Variants in USH2A observed in about 807,000 individuals in gnomAD.
USH2A encodes Usher syndrome 2A (autosomal recessive, mild).
USH2A carries 443 observed loss-of-function variants against 538.9 expected under a neutral mutation model. The ratio of observed to expected loss-of-function variants is 0.82; its 90% confidence interval spans 0.76 to 0.89. USH2A has a LOEUF of 0.89. Among genes scored for constraint, USH2A ranks in the 40% least tolerant of loss-of-function variants. USH2A has a pLI of 0.00. For synonymous variants in USH2A, 2,413 were observed against 2,273.5 expected (o/e 1.06, Z -1.75); for missense variants, 6,633 against 6,324.8 (o/e 1.05, Z -1.65).
At chr1:215,905,955 C>T (rs538385122) in intron 38 of USH2A, among the ~76,000 whole-genome samples, 69 of 152,194 alleles carry the variant, frequency 4.5e-4, no homozygotes, top group Non-Finnish European at 8.4e-4. Flanking sequence ...CACATTTCTT[C>T]ATCATTTTCC....
chr1:216,224,391 G>C (rs1008037106), intron 14 of USH2A, among the ~76,000 whole-genome samples: 2 of 152,060 alleles, frequency 1.3e-5, no homozygotes, highest in Non-Finnish European at 2.9e-5. Flanking sequence ...TTGCATTATT[G>C]ATTTTTCAGT....
rs1007898387 is a variant in USH2A at position 216,369,062 on chromosome 1, A to G, written c.652-3977T>C. Among the ~76,000 whole-genome samples the G allele has an allele frequency of 2.0e-5, 3 of 152,328 alleles. No individual in the cohort carries two copies. The South Asian group carries it at 6.2e-4, about 32-fold the overall frequency. On this transcript the variant is annotated intron_variant, in intron 3 of 71. Coordinates refer to ENST00000307340, the MANE Select transcript of USH2A (RefSeq NM_206933.4). Reference sequence around the variant, plus strand: ...ATTTTGAATGCTAAGAAATTCAAACAAAAAGAAAACCACTGTAATATGAAT... The same window carrying G: ...ATTTTGAATGCTAAGAAATTCAAACGAAAAGAAAACCACTGTAATATGAAT...
intron 21 of USH2A, among the ~76,000 whole-genome samples, chr1:216,110,398 A>G (rs2032838414): frequency 6.6e-6 from 1 of 152,200 alleles, no homozygotes; most frequent in Non-Finnish European, 1.5e-5. Context: ...TAATAAAGAA[A>G]TGGATTAATG....
intron 4 of USH2A, among the ~76,000 whole-genome samples, chr1:216,354,385 G>A (rs112208483): frequency 2.4e-4 from 36 of 152,258 alleles, no homozygotes; most frequent in African/African-American, 7.2e-4. Context: ...GTAAAGAGAG[G>A]AAAGAGTCAA....
intron 47 of USH2A, among the ~76,000 whole-genome samples, chr1:215,834,994 T>C (rs1245130413): frequency 6.6e-6 from 1 of 151,734 alleles, no homozygotes; most frequent in Non-Finnish European, 1.5e-5. Context: ...TTCTCCTCGT[T>C]GGTTATTTAT....
chr1:216,359,233 C>G (rs529223499), intron 4 of USH2A, among the ~76,000 whole-genome samples: 39 of 152,056 alleles, frequency 2.6e-4, no homozygotes, highest in African/African-American at 9.2e-4. Context: ...TTGATTGGTA[C>G]AACAATCATA....
chr1:215,900,887 G>A lies in USH2A; in HGVS notation c.7319C>T (p.Pro2440Leu). 1 of 1,613,598 alleles carries A rather than the reference G, an allele frequency of 6.2e-7. No homozygotes were observed. The highest frequency in any genetic ancestry group is 1.1e-5 in the South Asian group (1 of 91,076). Reference sequence around the variant, plus strand: ...TGGAGTGGCAGATGAAAGCCTGGGAGGCAGCACGCCATCTGGAGCTGTCGA... The same window carrying A: ...TGGAGTGGCAGATGAAAGCCTGGGAAGCAGCACGCCATCTGGAGCTGTCGA... ...MPPGAPDGVL[P>L]PRLSSATPTS... The change falls in exon 39 of 72, where the codon CCT (proline) becomes CTT (leucine). Residue 2440 changes from proline to leucine, a missense_variant. Transcript: ENST00000307340.
At position 216,247,219 on chromosome 1, in the gene USH2A, C is replaced by T; in HGVS notation, c.2175G>A (p.Arg725=). 1.2e-6 allele frequency: 2 copies of T among 1,613,804 alleles called. No individual in the cohort carries two copies. Among genetic ancestry groups the T allele is most frequent in the Non-Finnish European group, 1.7e-6 (2 of 1,179,872 alleles). ...CKCKANVIGL[R]CDHCNFGFKF... ...TAAATCCAAAATTGCAATGATCACA[C>T]CTAAGCCCTAAAGATAAAATATATT... The change falls in exon 13 of 72, where the codon AGG becomes AGA. Residue 725 remains arginine (R), a synonymous_variant. Coordinates refer to ENST00000307340, the MANE Select transcript of USH2A (RefSeq NM_206933.4).
At chr1:215,861,651 G>T (rs1319997477) in intron 44 of USH2A, among the ~76,000 whole-genome samples, 5 of 152,178 alleles carry the variant, frequency 3.3e-5, no homozygotes, top group Non-Finnish European at 5.9e-5. Flanking sequence ...AGTGTTTTCT[G>T]GTTAATACCC....
chr1:216,336,577 C>T (rs1253354932), intron 4 of USH2A, among the ~76,000 whole-genome samples: 1 of 151,474 alleles, frequency 6.6e-6, no homozygotes, highest in African/African-American at 2.4e-5. Context: ...TGCATACCTA[C>T]TGCATTTCAG....
At chr1:215,892,595 C>T (rs1398176947) in intron 40 of USH2A, among the ~76,000 whole-genome samples, 4 of 152,040 alleles carry the variant, frequency 2.6e-5, no homozygotes, top group African/African-American at 7.2e-5. Context: ...CCAACTACTT[C>T]CCAAAAGAAT....
At chr1:216,076,332 C>G (rs1210887369) in intron 27 of USH2A, among the ~76,000 whole-genome samples, 1 of 152,092 alleles carries the variant, frequency 6.6e-6, no homozygotes, top group African/African-American at 2.4e-5. Context: ...AAAATATCTT[C>G]CAGTATCACA....
chr1:215,743,820 C>CA (rs11422369), intron 58 of USH2A, among the ~76,000 whole-genome samples: 54,048 of 117,312 alleles, frequency 0.46, 10,422 homozygotes, highest in Admixed American at 0.53. Context: ...ACTCCGCCTC[C>CA]AAAAAAAAAA....
intron 50 of USH2A, among the ~76,000 whole-genome samples, chr1:215,797,124 A>T (rs1361871472): frequency 6.6e-6 from 1 of 152,188 alleles, no homozygotes; most frequent in Non-Finnish European, 1.5e-5. Flanking sequence ...AATCAGTCAC[A>T]ATAGTCCCTT....
At chr1:216,196,414 A>G (rs1290077120) in intron 19 of USH2A, 139 bp downstream of exon 19, 3 of 850,544 alleles carry the variant, frequency 3.5e-6, no homozygotes, top group South Asian at 3.2e-5. Flanking sequence ...GCTTGTACAC[A>G]TAATATTATA....
intron 21 of USH2A, chr1:216,174,405 A>ATAGCAT (rs2034332253): frequency 1.0e-6 from 1 of 985,262 alleles, no homozygotes; most frequent in Middle Eastern, 5.2e-4. Context: ...AGAAGCTGTA[A>ATAGCAT]GTCACAGAGG....
chr1:215,740,503 C>T (rs576554887), intron 60 of USH2A, among the ~76,000 whole-genome samples: 1 of 152,202 alleles, frequency 6.6e-6, no homozygotes, highest in South Asian at 2.1e-4. Flanking sequence ...GCTATAACAC[C>T]ATCTAACCAG....
chr1:216,162,650 C>G (rs1572011893), intron 21 of USH2A, among the ~76,000 whole-genome samples: 1 of 152,064 alleles, frequency 6.6e-6, no homozygotes, highest in Non-Finnish European at 1.5e-5. Context: ...TCAATTATCT[C>G]AATGTTCCTA....
chr1:215,685,202 A>G (rs1658377376), intron 61 of USH2A, among the ~76,000 whole-genome samples: 1 of 152,054 alleles, frequency 6.6e-6, no homozygotes, highest in African/African-American at 2.4e-5. Context: ...TAGATTTTTG[A>G]AAGCCAGATA....
Sources: allele counts gnomAD v4.1 joint callset (sites outside exome capture counted in the v4.1 genomes callset), GRCh38; gene constraint gnomAD v4.1.1; transcripts MANE v1.5; gene names NCBI Gene and HGNC (gene_info 2026-07-23, HGNC 2026-07-21).